Variants in CNTNAP2 observed in about 807,000 individuals in gnomAD.
CNTNAP2 encodes contactin associated protein 2, also known as contactin-associated protein-like 2.
In CNTNAP2, 98 loss-of-function variants were observed where a neutral mutation model predicts 155.2. The observed-to-expected ratio is 0.63, with a 90% CI of 0.54 to 0.75. The LOEUF is 0.75. CNTNAP2 is among the 30% of genes least tolerant of loss of function. The probability of loss-of-function intolerance (pLI) is 0.00; values close to 1 mark genes in which losing one functional copy is unlikely to be tolerated. For synonymous variants in CNTNAP2, 651 were observed against 631.2 expected (o/e 1.03, Z -0.47); for missense variants, 1,727 against 1,688.1 (o/e 1.02, Z -0.40).
intron 11 of CNTNAP2, among the ~76,000 whole-genome samples, chr7:147,498,193 C>T (rs929730103): frequency 5.1e-5 from 7 of 138,500 alleles, no homozygotes; most frequent in Non-Finnish European, 9.4e-5. Context: ...AAAAAAAAAT[C>T]TCCTCTCTTC....
chr7:148,023,230 T>C (rs2116921204), intron 15 of CNTNAP2, among the ~76,000 whole-genome samples: 1 of 152,244 alleles, frequency 6.6e-6, no homozygotes, highest in South Asian at 2.1e-4. Flanking sequence ...ATGCACAAAA[T>C]ACATTATAAG....
intron 3 of CNTNAP2, among the ~76,000 whole-genome samples, chr7:146,851,768 CA>C (rs1292682626): frequency 1.3e-5 from 2 of 150,588 alleles, no homozygotes; most frequent in South Asian, 4.3e-4. Flanking sequence ...CTGCAAGGTC[CA>C]ACTCCTGAAC....
intron 11 of CNTNAP2, among the ~76,000 whole-genome samples, chr7:147,517,287 A>G (rs1799144937): frequency 6.6e-6 from 1 of 152,218 alleles, no homozygotes; most frequent in African/African-American, 2.4e-5. Flanking sequence ...CTTCAGAGGC[A>G]GCTCTGACTG....
chr7:147,301,269 G>A (rs1342888258), intron 9 of CNTNAP2, among the ~76,000 whole-genome samples: 1 of 152,126 alleles, frequency 6.6e-6, no homozygotes, highest in African/African-American at 2.4e-5. Context: ...TTGTAGCAAA[G>A]ACCTGTCACA....
At chr7:148,394,942 C>T (rs1284185873) in intron 22 of CNTNAP2, among the ~76,000 whole-genome samples, 1 of 152,194 alleles carries the variant, frequency 6.6e-6, no homozygotes, top group South Asian at 2.1e-4. Context: ...TTATGATAAT[C>T]TGTCTAATTA....
At chr7:146,561,916 GA>G (rs1798285535) in intron 1 of CNTNAP2, among the ~76,000 whole-genome samples, 2 of 151,878 alleles carry the variant, frequency 1.3e-5, no homozygotes, top group South Asian at 4.2e-4. Flanking sequence ...TCAGCCTCCT[GA>G]GTAGCTGGAA....
chr7:146,721,253 C>CTATATACTCTCTATATATTCTA (rs2129177237), intron 1 of CNTNAP2, among the ~76,000 whole-genome samples: 1 of 131,440 alleles, frequency 7.6e-6, no homozygotes, highest in African/African-American at 2.8e-5. Flanking sequence ...TCTATATTCT[C>CTATATACTCTCTATATATTCTA]TATATACTCT....
At chr7:147,688,018 C>A (rs1271360477) in intron 13 of CNTNAP2, among the ~76,000 whole-genome samples, 1 of 151,944 alleles carries the variant, frequency 6.6e-6, no homozygotes, top group Non-Finnish European at 1.5e-5. Flanking sequence ...GCATATAATC[C>A]CTGCTGACGG....
chr7:146,381,141 G>A (rs1342755355), intron 1 of CNTNAP2, among the ~76,000 whole-genome samples: 2 of 151,958 alleles, frequency 1.3e-5, no homozygotes, highest in Non-Finnish European at 2.9e-5. Context: ...CTCTGGGCTT[G>A]ACCATGTTTC....
At chr7:146,284,724 T>A (rs558090236) in intron 1 of CNTNAP2, among the ~76,000 whole-genome samples, 1 of 152,330 alleles carries the variant, frequency 6.6e-6, no homozygotes, top group Admixed American at 6.5e-5. Context: ...TTAACCTTCT[T>A]AAAGGATGAT....
chr7:148,109,448 G>A (rs1017176951), intron 15 of CNTNAP2, among the ~76,000 whole-genome samples: 1 of 152,018 alleles, frequency 6.6e-6, no homozygotes, highest in East Asian at 1.9e-4. Context: ...ACAATGGTGC[G>A]ATCTCGGCTC....
intron 1 of CNTNAP2, among the ~76,000 whole-genome samples, chr7:146,481,082 A>C (rs932416052): frequency 6.6e-6 from 1 of 152,126 alleles, no homozygotes; most frequent in African/African-American, 2.4e-5. Flanking sequence ...TCCTAACCTG[A>C]AACTGCCAGC....
rs1212804841 is a variant in CNTNAP2 at position 147,366,774 on chromosome 7, G to T, written c.1499-28835G>T. Among the ~76,000 whole-genome samples, 8 of 96,640 alleles carry T rather than the reference G, an allele frequency of 8.3e-5. No individual in the cohort carries two copies. In the South Asian group the frequency reaches 1.2e-3, roughly 14 times the overall value. The allele number at this position is 96,640 out of a possible 152,430, so 63.4% of individuals were successfully genotyped here. The stretch of plus-strand genomic sequence containing the variant: ...TTTTTAAGTGATTTTTTACGAATTT[G>T]TTGCACGCACACACACACACACACA... On this transcript the variant is annotated intron_variant, in intron 9 of 23. Coordinates refer to ENST00000361727, the MANE Select transcript of CNTNAP2 (RefSeq NM_014141.6).
intron 8 of CNTNAP2, among the ~76,000 whole-genome samples, chr7:147,149,140 T>C (rs1009471856): frequency 2.6e-5 from 4 of 152,196 alleles, no homozygotes; most frequent in Admixed American, 2.6e-4. Flanking sequence ...AGCTGATTGG[T>C]CCATTTTATA....
In CNTNAP2 at chr7:146,749,271, T is replaced by G. The variant is rs149881871; in HGVS notation, c.98-25000T>G. On this transcript the variant is annotated intron_variant, in intron 1 of 23. Transcript: ENST00000361727. Reference sequence around the variant, plus strand: ...CATATATGTGTATGTGTATCTTTACTAAACCTAACAGCAGTTTTCTAAAGT... The same window carrying G: ...CATATATGTGTATGTGTATCTTTACGAAACCTAACAGCAGTTTTCTAAAGT... Among the ~76,000 whole-genome samples, 385 of 152,320 alleles carry G rather than the reference T, an allele frequency of 2.5e-3. 1 individual carries two copies. Among genetic ancestry groups the G allele is most frequent in the African/African-American group, 8.5e-3 (353 of 41,572 alleles).
At chr7:147,942,742 C>T (rs1332417372) in intron 14 of CNTNAP2, among the ~76,000 whole-genome samples, 1 of 152,084 alleles carries the variant, frequency 6.6e-6, no homozygotes, top group Non-Finnish European at 1.5e-5. Context: ...CTATCAAGAC[C>T]ACTGTGTCTT....
chr7:146,750,113 C>T (rs1364164797), intron 1 of CNTNAP2, among the ~76,000 whole-genome samples: 2 of 152,096 alleles, frequency 1.3e-5, no homozygotes, highest in African/African-American at 4.8e-5. Context: ...ATTGCTCTGC[C>T]AACATCTGAA....
At chr7:148,080,860 C>A (rs1045175272) in intron 15 of CNTNAP2, among the ~76,000 whole-genome samples, 1 of 152,084 alleles carries the variant, frequency 6.6e-6, no homozygotes, top group Non-Finnish European at 1.5e-5. Flanking sequence ...GAAGTGCATT[C>A]TCAAAGCTGT....
chr7:147,273,006 T>A (rs1395153602), intron 8 of CNTNAP2, among the ~76,000 whole-genome samples: 1 of 144,460 alleles, frequency 6.9e-6, no homozygotes, highest in Non-Finnish European at 1.5e-5. Context: ...TTAGCTATTC[T>A]TCTTTTCCAT....
Sources: allele counts gnomAD v4.1 joint callset (sites outside exome capture counted in the v4.1 genomes callset), GRCh38; gene constraint gnomAD v4.1.1; transcripts MANE v1.5; gene names NCBI Gene and HGNC (gene_info 2026-07-23, HGNC 2026-07-21).